DAPK1: variants seen among roughly 807,000 people sequenced by gnomAD.
The protein encoded by DAPK1 is death-associated protein kinase 1.
DAPK1 carries 56 observed loss-of-function variants against 144.9 expected under a neutral mutation model. The observed-to-expected ratio is 0.39, with a 90% CI of 0.31 to 0.48. The LOEUF is 0.48. Ranked by LOEUF, DAPK1 falls within the 20% of genes least tolerant of loss-of-function variation. The pLI, the probability that DAPK1 is intolerant of heterozygous loss-of-function variation, is 0.95. For missense variants in DAPK1, 1,454 were observed against 1,875.4 expected, an observed-to-expected ratio of 0.78 and a Z score of 4.15; for synonymous variants, 690 against 749.0, an observed-to-expected ratio of 0.92 and a Z score of 1.29.
At position 87,648,704 on chromosome 9, in the gene DAPK1, G is replaced by A. The variant is rs1305609844; in HGVS notation, c.1330-77G>A. 5 of 1,287,146 alleles carry A rather than the reference G, an allele frequency of 3.9e-6. No homozygotes were observed. In the South Asian group the frequency reaches 4.8e-5, roughly 12 times the overall value. The allele number at this position is 1,287,146 out of a possible 1,614,324, so 79.7% of individuals were successfully genotyped here. A position where few individuals can be genotyped will look rare whatever the true frequency, so the allele number is the denominator to read the frequency against. Reference sequence around the variant, plus strand: ...ACAGAGTGGAACCAGGCAGGCCTGGGTGTAGGCCTTGGGTTCTGGTCTCCA... The same window carrying A: ...ACAGAGTGGAACCAGGCAGGCCTGGATGTAGGCCTTGGGTTCTGGTCTCCA... On this transcript the variant is annotated intron_variant, in intron 14 of 25. Coordinates refer to ENST00000408954, the MANE Select transcript of DAPK1 (RefSeq NM_004938.4).
intron 2 of DAPK1, among the ~76,000 whole-genome samples, chr9:87,598,353 T>A (rs1828393422): frequency 6.6e-6 from 1 of 152,230 alleles, no homozygotes; most frequent in East Asian, 1.9e-4. Context: ...AAACCAGATC[T>A]GTTTCCAGCA....
intron 3 of DAPK1, among the ~76,000 whole-genome samples, chr9:87,618,781 T>C (rs2119029368): frequency 6.6e-6 from 1 of 152,316 alleles, no homozygotes; most frequent in East Asian, 1.9e-4. Context: ...GGGTGGCTAC[T>C]CATGGACACA....
intron 2 of DAPK1, among the ~76,000 whole-genome samples, chr9:87,601,277 C>T (rs1828504959): frequency 1.3e-5 from 2 of 152,220 alleles, no homozygotes; most frequent in African/African-American, 2.4e-5. Context: ...TGGAAATGCC[C>T]TACAGGCTTA....
chr9:87,571,478 C>CCA (rs1564000898), intron 2 of DAPK1, among the ~76,000 whole-genome samples: 6 of 54,170 alleles, frequency 1.1e-4, no homozygotes, highest in South Asian at 8.8e-4. Context: ...CACACACCAA[C>CCA]ACACACACAC....
intron 2 of DAPK1, among the ~76,000 whole-genome samples, chr9:87,575,903 G>A (rs1827538898): frequency 6.6e-6 from 1 of 152,220 alleles, no homozygotes; most frequent in Admixed American, 6.5e-5. Context: ...AGTCAAGGGT[G>A]GAACAGAAGG....
rs187125472 is a variant in DAPK1, at chr9:87,561,308, C to T, written c.63-43646C>T. ...TTGGGAGGCCAAGGCGGGCGGATCA[C>T]GAGGTCAGGAGATCGAGACCAGCCT... On this transcript the variant is annotated intron_variant, in intron 2 of 25. Transcript: ENST00000408954. Among the ~76,000 whole-genome samples the T allele has an allele frequency of 4.7e-3, 709 of 152,144 alleles. 12 individuals carry two copies. The highest frequency in any genetic ancestry group is 0.016 in the African/African-American group (669 of 41,544).
At chr9:87,522,475 A>G (rs1825333645) in intron 2 of DAPK1, among the ~76,000 whole-genome samples, 1 of 152,204 alleles carries the variant, frequency 6.6e-6, no homozygotes, top group African/African-American at 2.4e-5. Context: ...ATAACTTGAA[A>G]ATCATTCCAT....
At position 87,518,711 on chromosome 9, in the gene DAPK1, T is replaced by A. The variant is rs71508559; in HGVS notation, c.62+19572T>A. On this transcript the variant is annotated intron_variant, in intron 2 of 25. Transcript: ENST00000408954. ...CTTTTTCCTTATTTCTCTGTATCTG[T>A]GGAGTAGCGTAGAACCGTATGTACA... Among the ~76,000 whole-genome samples, 24 of 152,306 alleles carry A rather than the reference T, an allele frequency of 1.6e-4. No individual in the cohort carries two copies. In the Middle Eastern group the frequency reaches 0.01, roughly 65 times the overall value.
rs762343011 is a variant in DAPK1 at position 87,658,147 on chromosome 9, C to T, written c.1923+20C>T. The T allele has an allele frequency of 4.9e-6, 5 of 1,020,658 alleles. No homozygotes were observed. The highest frequency in any genetic ancestry group is 1.3e-5 in the South Asian group (1 of 75,946). 63.2% of individuals were successfully genotyped at this position (1,020,658 alleles called of 1,614,324 possible). On this transcript the variant is annotated intron_variant, in intron 18 of 25. Coordinates refer to ENST00000408954, the MANE Select transcript of DAPK1 (RefSeq NM_004938.4). The stretch of plus-strand genomic sequence containing the variant: ...ACCACGGTGAGTGCCCACAGGGCTT[C>T]GTGAAGGAGGGAGCTGCTGGGAGCC...
In DAPK1 at chr9:87,691,291, A is replaced by G. The variant is rs377260636; in HGVS notation, c.2413+4552A>G. Among the ~76,000 whole-genome samples the G allele has an allele frequency of 9.6e-4, 146 of 152,156 alleles. 6 individuals are homozygous for G. The South Asian group carries it at 0.029, about 30-fold the overall frequency. On this transcript the variant is annotated intron_variant, in intron 21 of 25. Transcript: ENST00000408954. The stretch of plus-strand genomic sequence containing the variant: ...TCCAGTTAGCGTATAGTTGTTCATA[A>G]TAACCTCTGATGATCTTTGGTATTT...
At chr9:87,694,322 G>A (rs1383561518) in intron 21 of DAPK1, among the ~76,000 whole-genome samples, 2 of 152,170 alleles carry the variant, frequency 1.3e-5, no homozygotes, top group Non-Finnish European at 2.9e-5. Context: ...TAAGAGGAGT[G>A]CTCAGGTGCC....
chr9:87,542,756 T>G (rs554418792), intron 2 of DAPK1, among the ~76,000 whole-genome samples: 13 of 152,226 alleles, frequency 8.5e-5, no homozygotes, highest in African/African-American at 3.1e-4. Context: ...TCTGTCTGAG[T>G]CCGAGATTAA....
intron 2 of DAPK1, among the ~76,000 whole-genome samples, chr9:87,519,444 T>G (rs1333275963): frequency 6.6e-6 from 1 of 152,182 alleles, no homozygotes; most frequent in South Asian, 2.1e-4. Flanking sequence ...GATGATTGGT[T>G]GATTTCCTAT....
In DAPK1 at chr9:87,648,977, A is replaced by C. The variant is rs911473620; in HGVS notation, c.1428+98A>C. ...GGGCCTTTAGAGTTTTATCCAAGCT[A>C]GGCTTTCTGTCTTCCCCTACAGAGG... On this transcript the variant is annotated intron_variant, in intron 15 of 25. Coordinates refer to ENST00000408954, the MANE Select transcript of DAPK1 (RefSeq NM_004938.4). 8.5e-6 allele frequency: 9 copies of C among 1,060,454 alleles called. No homozygotes were observed. In the Admixed American group the frequency reaches 1.6e-4, roughly 19 times the overall value. 65.7% of individuals were successfully genotyped at this position (1,060,454 alleles called of 1,614,324 possible).
In DAPK1 at chr9:87,643,501, C is replaced by CG. The variant is rs1830166671; in HGVS notation, c.1011+33_1011+34insG. The CG allele has an allele frequency of 3.0e-6, 3 of 984,680 alleles. No homozygotes were observed. In the South Asian group the frequency reaches 4.5e-5, roughly 15 times the overall value. 61.0% of individuals were successfully genotyped at this position (984,680 alleles called of 1,614,324 possible). A position where few individuals can be genotyped will look rare whatever the true frequency, so the allele number is the denominator to read the frequency against. ...AACCCGTGAGCCCTGGTGCTCCTTT[C>CG]TTAGCACTGGGTACTCAGAATGACC... On this transcript the variant is annotated intron_variant, in intron 11 of 25. Coordinates refer to ENST00000408954, the MANE Select transcript of DAPK1 (RefSeq NM_004938.4).
chr9:87,690,730 T>C (rs933120288), intron 21 of DAPK1, among the ~76,000 whole-genome samples: 40 of 152,238 alleles, frequency 2.6e-4, no homozygotes, highest in African/African-American at 9.6e-4. Flanking sequence ...GTTCCTTCTA[T>C]ACCTAGTTTG....
chr9:87,539,426 C>G (rs1825963572), intron 2 of DAPK1, among the ~76,000 whole-genome samples: 1 of 99,442 alleles, frequency 1.0e-5, no homozygotes, highest in Non-Finnish European at 2.1e-5. Context: ...TTTTAAATTT[C>G]TCACTTTTTT....
At chr9:87,593,726 A>G (rs949137237) in intron 2 of DAPK1, among the ~76,000 whole-genome samples, 3 of 152,304 alleles carry the variant, frequency 2.0e-5, no homozygotes, top group Admixed American at 6.5e-5. Flanking sequence ...CCATGAAGTT[A>G]TATGAACCTC....
At chr9:87,625,528 G>A (rs957639743) in intron 3 of DAPK1, among the ~76,000 whole-genome samples, 10 of 152,228 alleles carry the variant, frequency 6.6e-5, no homozygotes, top group Non-Finnish European at 1.2e-4. Flanking sequence ...GGGCTCAGGC[G>A]ATCATCAGTA....
Sources: gnomAD v4.1 joint callset for allele counts (sites outside exome capture counted in the v4.1 genomes callset) on GRCh38, gnomAD v4.1.1 for gene constraint, MANE v1.5 for transcripts, NCBI Gene and HGNC (gene_info 2026-07-23, HGNC 2026-07-21) for gene names.